The following EPHA3 variants were observed in gnomAD, a reference collection of about 807,000 sequenced individuals.
EPHA3 encodes EPH receptor A3, also known as ephrin type-A receptor 3.
In EPHA3, 42 loss-of-function variants were observed where a neutral mutation model predicts 107.1. The ratio of observed to expected loss-of-function variants is 0.39; its 90% CI spans 0.31 to 0.51. EPHA3 has a LOEUF of 0.51. Ranked by LOEUF, EPHA3 falls within the 20% of genes least tolerant of loss-of-function variation. The pLI is 0.78. For synonymous variants in EPHA3, 461 were observed against 424.8 expected, an observed-to-expected ratio of 1.09 and a Z score of -1.05; for missense variants, 1,183 against 1,211.2, an observed-to-expected ratio of 0.98 and a Z score of 0.35.
intron 2 of EPHA3, among the ~76,000 whole-genome samples, chr3:89,170,597 T>TCAGAGTC (rs1705189453): frequency 6.6e-6 from 1 of 152,156 alleles, no homozygotes; most frequent in African/African-American, 2.4e-5. Context: ...CAGGTGCTGT[T>TCAGAGTC]GCGACTACTC....
At chr3:89,161,229 G>A (rs1327639027) in intron 2 of EPHA3, among the ~76,000 whole-genome samples, 1 of 152,082 alleles carries the variant, frequency 6.6e-6, no homozygotes, top group Non-Finnish European at 1.5e-5. Flanking sequence ...AAAGGAAAAT[G>A]TTTGAATGGG....
intron 5 of EPHA3, among the ~76,000 whole-genome samples, chr3:89,390,197 G>C (rs866740569): frequency 1.7e-4 from 26 of 152,010 alleles, no homozygotes; most frequent in African/African-American, 5.8e-4. Flanking sequence ...TGCCATATTG[G>C]TCAAGCTGGT....
At chr3:89,380,686 A>G (rs930496793) in intron 5 of EPHA3, among the ~76,000 whole-genome samples, 64 of 152,274 alleles carry the variant, frequency 4.2e-4, no homozygotes, top group African/African-American at 1.5e-3. Flanking sequence ...CAGAGGCGCT[A>G]ATCAGCAGAG....
intron 2 of EPHA3, among the ~76,000 whole-genome samples, chr3:89,196,983 A>C (rs1174542831): frequency 6.6e-6 from 1 of 151,872 alleles, no homozygotes; most frequent in Non-Finnish European, 1.5e-5. Flanking sequence ...CTCCCATCCC[A>C]CTTCTTAGAC....
At chr3:89,352,902 C>CAAAAAAAAAAAAA (rs1215369952) in intron 5 of EPHA3, among the ~76,000 whole-genome samples, 1 of 41,002 alleles carries the variant, frequency 2.4e-5, no homozygotes, top group African/African-American at 9.8e-5. Context: ...GACTCTGTCT[C>CAAAAAAAAAAAAA]AAAAAAAAAA....
chr3:89,269,799 C>G (rs1480920457), intron 3 of EPHA3, among the ~76,000 whole-genome samples: 1 of 140,378 alleles, frequency 7.1e-6, no homozygotes, highest in Admixed American at 7.7e-5. Flanking sequence ...GTTCCCCTTC[C>G]TGTGTCCATG....
At chr3:89,394,673 G>A (rs1032809807) in intron 5 of EPHA3, among the ~76,000 whole-genome samples, 6 of 152,218 alleles carry the variant, frequency 3.9e-5, no homozygotes, top group Admixed American at 2.0e-4. Flanking sequence ...GATAATCATA[G>A]AAACATCAAC....
chr3:89,113,222 G>C (rs1707156617), intron 1 of EPHA3, among the ~76,000 whole-genome samples: 2 of 152,054 alleles, frequency 1.3e-5, no homozygotes, highest in African/African-American at 4.8e-5. Flanking sequence ...TAACTCTTCT[G>C]TAACAACTTT....
intron 5 of EPHA3, among the ~76,000 whole-genome samples, chr3:89,361,094 C>A (rs1274327365): frequency 6.6e-6 from 1 of 150,880 alleles, no homozygotes; most frequent in Non-Finnish European, 1.5e-5. Flanking sequence ...ATAAAATATT[C>A]ATTTTCAGAA....
At chr3:89,373,265 CT>C (rs1486987891) in intron 5 of EPHA3, among the ~76,000 whole-genome samples, 1 of 151,692 alleles carries the variant, frequency 6.6e-6, no homozygotes, top group Non-Finnish European at 1.5e-5. Flanking sequence ...TTAATCTTTA[CT>C]TTTAAAGAAA....
intron 3 of EPHA3, among the ~76,000 whole-genome samples, chr3:89,219,800 C>G (rs1704324476): frequency 7.3e-6 from 1 of 137,064 alleles, no homozygotes; most frequent in Non-Finnish European, 1.6e-5. Context: ...GCTCCACCTC[C>G]CGGGTTCACG....
At chr3:89,440,349 C>T (rs948760066) in intron 13 of EPHA3, among the ~76,000 whole-genome samples, 1 of 152,148 alleles carries the variant, frequency 6.6e-6, no homozygotes, top group African/African-American at 2.4e-5. Flanking sequence ...TAAATATGAC[C>T]TGACAAAGCT....
At chr3:89,253,421 A>G (rs1705208162) in intron 3 of EPHA3, among the ~76,000 whole-genome samples, 1 of 152,162 alleles carries the variant, frequency 6.6e-6, no homozygotes, top group Admixed American at 6.5e-5. Context: ...TTACAATAAA[A>G]GAACAAAAGT....
chr3:89,240,516 A>G (rs1704870341), intron 3 of EPHA3, among the ~76,000 whole-genome samples: 1 of 152,208 alleles, frequency 6.6e-6, no homozygotes, highest in Middle Eastern at 3.4e-3. Context: ...TTATTTTATG[A>G]TAGTCAAATA....
At chr3:89,341,719 G>A (rs1428913380) in intron 4 of EPHA3, 36 bp from the exon 5 acceptor site, 2 of 1,504,120 alleles carry the variant, frequency 1.3e-6, no homozygotes, top group African/African-American at 1.4e-5. Context: ...GAAAACAGAA[G>A]TGAGGCTCAT....
chr3:89,231,316 G>C (rs1009565324), intron 3 of EPHA3, among the ~76,000 whole-genome samples: 2 of 151,878 alleles, frequency 1.3e-5, no homozygotes, highest in African/African-American at 4.8e-5. Flanking sequence ...ATATTATCTA[G>C]TGCTTTCTAT....
intron 5 of EPHA3, among the ~76,000 whole-genome samples, chr3:89,359,768 C>CACACATATATATACATATAT (rs1559663618): frequency 2.9e-5 from 3 of 104,032 alleles, no homozygotes; most frequent in East Asian, 2.2e-4. Flanking sequence ...CACATATATA[C>CACACATATATATACATATAT]ACACATATAT....
intron 2 of EPHA3, among the ~76,000 whole-genome samples, chr3:89,162,741 G>A (rs189212418): frequency 6.6e-6 from 1 of 152,252 alleles, no homozygotes; most frequent in East Asian, 1.9e-4. Flanking sequence ...AACTGAGAGG[G>A]GCTTTTAGAA....
At chr3:89,278,019 A>C (rs1402704179) in intron 3 of EPHA3, among the ~76,000 whole-genome samples, 1 of 152,118 alleles carries the variant, frequency 6.6e-6, no homozygotes, top group African/African-American at 2.4e-5. Context: ...TTTTTGACAA[A>C]GATCTGTGCT....
Sources: allele counts gnomAD v4.1 joint callset (sites outside exome capture counted in the v4.1 genomes callset), GRCh38; gene constraint gnomAD v4.1.1; transcripts MANE v1.5; gene names NCBI Gene and HGNC (gene_info 2026-07-23, HGNC 2026-07-21).